Variants in ZNF264 observed in about 807,000 individuals in gnomAD.
ZNF264 encodes zinc finger protein 264.
Under a neutral mutation model 11.2 loss-of-function variants are expected in ZNF264, and 11 were observed. The observed-to-expected ratio is 0.98, with a 90% confidence interval of 0.62 to 1.63. The LOEUF is 1.63. Among genes scored for constraint, ZNF264 ranks in the 40% most tolerant of loss-of-function variants. The pLI is 0.00. For synonymous variants in ZNF264, 309 were observed against 279.8 expected, an observed-to-expected ratio of 1.10 and a Z score of -1.04; for missense variants, 752 against 768.1, an observed-to-expected ratio of 0.98 and a Z score of 0.25.
At chr19:57,201,798 G>A (rs1268940555) in intron 2 of ZNF264, among the ~76,000 whole-genome samples, 1 of 151,942 alleles carries the variant, frequency 6.6e-6, no homozygotes, top group Non-Finnish European at 1.5e-5. Context: ...GCACAAGGCT[G>A]CCAGCATCTC....
intron 3 of ZNF264, among the ~76,000 whole-genome samples, chr19:57,205,982 G>A (rs1250559273): frequency 6.6e-6 from 1 of 152,198 alleles, no homozygotes; most frequent in Non-Finnish European, 1.5e-5. Flanking sequence ...CAGGACCCAG[G>A]TTCCTTCTGT....
chr19:57,211,856 C>T lies in ZNF264; in HGVS notation c.759C>T (p.His253=). The stretch of plus-strand genomic sequence containing the variant: ...ATCTCCTGCAACATCACATGATCCA[C>T]ACTGGGGAGAGGCCCTATGAGTGCA... ...STHLLQHHMI[H]TGERPYECME... Residue 253 remains histidine (H), a synonymous_variant, in exon 4 of 4, where the codon CAC becomes CAT. Transcript: ENST00000263095. The T allele has an allele frequency of 6.2e-7, 1 of 1,614,248 alleles. No homozygotes were observed. The highest frequency in any genetic ancestry group is 8.5e-7 in the Non-Finnish European group (1 of 1,180,040).
rs573855106 is a variant in ZNF264 at position 57,222,535 on chromosome 19, T to C, written c.*9554T>C. 22 of 145,870 alleles carry C rather than the reference T, an allele frequency of 1.5e-4. No individual in the cohort carries two copies. The highest frequency in any genetic ancestry group is 6.1e-4 in the African/African-American group (22 of 36,320). 9.0% of individuals were successfully genotyped at this position (145,870 alleles called of 1,614,324 possible). A position where few individuals can be genotyped will look rare whatever the true frequency, so the allele number is the denominator to read the frequency against. ...CTCTCTCTCTCTCTATATATATATA[T>C]GTATATGTGTGTGTACATATGGACC... On this transcript the variant is annotated 3_prime_UTR_variant, in exon 4 of 4. Transcript: ENST00000263095.
rs2122727644 is a variant in ZNF264, at chr19:57,191,559, C to T, written c.-355C>T. ...AGCCACTGAGGGCCCCGGTCGGGGC[C>T]GCTTTGCAGGTCCCTAGTCAGGACC... On this transcript the variant is annotated 5_prime_UTR_variant, in exon 1 of 4. Transcript: ENST00000263095. The T allele has an allele frequency of 3.8e-6, 1 of 266,216 alleles. No individual in the cohort carries two copies. Among genetic ancestry groups the T allele is most frequent in the South Asian group, 1.7e-4 (1 of 5,910 alleles). The allele number at this position is 266,216 out of a possible 1,614,324, so 16.5% of individuals were successfully genotyped here.
rs1410229696 is a variant in ZNF264 at position 57,214,824 on chromosome 19, C to T, written c.*1843C>T. On this transcript the variant is annotated 3_prime_UTR_variant, in exon 4 of 4. Coordinates refer to ENST00000263095, the MANE Select transcript of ZNF264 (RefSeq NM_003417.5). ...CCAGTTGATGTCATTATGCTATTTT[C>T]CTTCTACATCCTATTGATGGAATGT... 1 of 152,174 alleles carries T rather than the reference C, an allele frequency of 6.6e-6. No individual in the cohort carries two copies. The highest frequency in any genetic ancestry group is 1.5e-5 in the Non-Finnish European group (1 of 68,034). The allele number at this position is 152,174 out of a possible 1,614,324, so 9.4% of individuals were successfully genotyped here.
At chr19:57,207,341 T>C (rs556759116) in intron 3 of ZNF264, among the ~76,000 whole-genome samples, 2 of 152,174 alleles carry the variant, frequency 1.3e-5, no homozygotes, top group Non-Finnish European at 2.9e-5. Flanking sequence ...TCCTGTCTTG[T>C]ATTGCTTGAT....
At chr19:57,201,593 A>G (rs1156945386) in intron 2 of ZNF264, among the ~76,000 whole-genome samples, 2 of 151,924 alleles carry the variant, frequency 1.3e-5, no homozygotes, top group Non-Finnish European at 2.9e-5. Context: ...CCCAGAAACT[A>G]GGTGTGTTTA....
At chr19:57,199,097 A>G (rs915049360) in intron 2 of ZNF264, among the ~76,000 whole-genome samples, 2 of 151,970 alleles carry the variant, frequency 1.3e-5, no homozygotes, top group African/African-American at 2.4e-5. Context: ...GAGTCAGACT[A>G]TTCTGATTGC....
At chr19:57,203,924 C>T (rs1445004852) in intron 2 of ZNF264, among the ~76,000 whole-genome samples, 9 of 152,012 alleles carry the variant, frequency 5.9e-5, no homozygotes, top group South Asian at 2.1e-4. Context: ...CGGTTGCTTA[C>T]GCCTGTAATC....
At chr19:57,193,671 T>C in intron 1 of ZNF264, 1 of 626,362 alleles carries the variant, frequency 1.6e-6, no homozygotes, top group Non-Finnish European at 2.0e-6. Flanking sequence ...CTAACGGCCG[T>C]TAAATAGGAG....
Position 57,211,487 on chromosome 19 carries a change from T to G in ZNF264, c.390T>G (p.Asp130Glu). 5.6e-6 allele frequency: 9 copies of G among 1,614,060 alleles called. No individual in the cohort carries two copies. The highest frequency in any genetic ancestry group is 7.6e-6 in the Non-Finnish European group (9 of 1,180,010). Reference sequence around the variant, plus strand: ...AGTTGGGGCAAGCCGAGGATCAGGATGGGCTATCAGAAATGCAGGAAGGAC... The same window carrying G: ...AGTTGGGGCAAGCCGAGGATCAGGAGGGGCTATCAGAAATGCAGGAAGGAC... ...DSQLGQAEDQ[D>E]GLSEMQEGHF... Residue 130 changes from aspartate (D) to glutamate (E), a missense_variant, in exon 4 of 4, where the codon GAT (aspartate) becomes GAG (glutamate). By Grantham distance (45) the Asp-to-Glu change is conservative. Transcript: ENST00000263095.
At position 57,212,416 on chromosome 19, in the gene ZNF264, C is replaced by T. The variant is rs1001186434; in HGVS notation, c.1319C>T (p.Ser440Phe). The T allele has an allele frequency of 6.2e-7, 1 of 1,614,184 alleles. No individual in the cohort carries two copies. The highest frequency in any genetic ancestry group is 1.3e-5 in the African/African-American group (1 of 75,040). ...SECGKAFTHCSTFILHKRAHT... is the reference protein window; with the variant it reads ...SECGKAFTHCFTFILHKRAHT... ...TGTGGAAAGGCCTTCACCCACTGCTCTACTTTTATCTTGCATAAAAGGGCC... is the reference window on the plus strand; with the variant it reads ...TGTGGAAAGGCCTTCACCCACTGCTTTACTTTTATCTTGCATAAAAGGGCC... Residue 440 changes from serine (S) to phenylalanine (F), a missense_variant, in exon 4 of 4, where the codon TCT (serine) becomes TTT (phenylalanine). By Grantham distance (155) the Ser-to-Phe change is radical. Coordinates refer to ENST00000263095, the MANE Select transcript of ZNF264 (RefSeq NM_003417.5).
rs2087372048 is a variant in ZNF264, at chr19:57,215,298, G to C, written c.*2317G>C. On this transcript the variant is annotated 3_prime_UTR_variant, in exon 4 of 4. Coordinates refer to ENST00000263095, the MANE Select transcript of ZNF264 (RefSeq NM_003417.5). Reference sequence around the variant, plus strand: ...GTAATAAATTTTGATAGTCTGTCCTGTTGAAGGAATATTTCATCTGTATTT... The same window carrying C: ...GTAATAAATTTTGATAGTCTGTCCTCTTGAAGGAATATTTCATCTGTATTT... 6.6e-6 allele frequency: 1 copy of C among 152,188 alleles called. No individual in the cohort carries two copies. Among genetic ancestry groups the C allele is most frequent in the Non-Finnish European group, 1.5e-5 (1 of 68,040 alleles). 9.4% of individuals were successfully genotyped at this position (152,188 alleles called of 1,614,324 possible).
Position 57,217,522 on chromosome 19 carries a change from AT to A in ZNF264, c.*4543del, listed in dbSNP as rs1182155250. 6.6e-6 allele frequency: 1 copy of A among 151,812 alleles called. No individual in the cohort carries two copies. The highest frequency in any genetic ancestry group is 3.4e-3 in the Middle Eastern group (1 of 296). The allele number at this position is 151,812 out of a possible 1,614,324, so 9.4% of individuals were successfully genotyped here. On this transcript the variant is annotated 3_prime_UTR_variant, in exon 4 of 4. Coordinates refer to ENST00000263095, the MANE Select transcript of ZNF264 (RefSeq NM_003417.5). ...AACCTCTGCCTCCCGGGTTCAAGCAATTAACTGCCTCAGCTTCCCTAGTAAT... is the reference window on the plus strand; with the variant it reads ...AACCTCTGCCTCCCGGGTTCAAGCAATAACTGCCTCAGCTTCCCTAGTAAT...
chr19:57,221,626 T>TA lies in ZNF264; in HGVS notation c.*8646dup, dbSNP rs1316696704. 1.3e-5 allele frequency: 2 copies of TA among 152,204 alleles called. No individual in the cohort carries two copies. Among genetic ancestry groups the TA allele is most frequent in the African/African-American group, 2.4e-5 (1 of 41,450 alleles). 9.4% of individuals were successfully genotyped at this position (152,204 alleles called of 1,614,324 possible). A position where few individuals can be genotyped will look rare whatever the true frequency, so the allele number is the denominator to read the frequency against. ...CCTTATTTAAGTTCCATCTGGTACT[T>TA]ATGACAACACATGCTATATGTCCAC... On this transcript the variant is annotated 3_prime_UTR_variant, in exon 4 of 4. Coordinates refer to ENST00000263095, the MANE Select transcript of ZNF264 (RefSeq NM_003417.5).
At position 57,213,105 on chromosome 19, in the gene ZNF264, A is replaced by G. The variant is rs575952332; in HGVS notation, c.*124A>G. On this transcript the variant is annotated 3_prime_UTR_variant, in exon 4 of 4. Transcript: ENST00000263095. ...GAGAGAGACCCAGTGGTTATTGTGC[A>G]CATAGGAGAACCTTCAGCTGCATCT... 1.1e-6 allele frequency: 1 copy of G among 893,178 alleles called. No homozygotes were observed. Among genetic ancestry groups the G allele is most frequent in the South Asian group, 2.2e-5 (1 of 45,912 alleles). The allele number at this position is 893,178 out of a possible 1,614,324, so 55.3% of individuals were successfully genotyped here.
Position 57,221,369 on chromosome 19 carries a change from G to A in ZNF264, c.*8388G>A, listed in dbSNP as rs1379414570. The A allele has an allele frequency of 6.6e-6, 1 of 152,142 alleles. No homozygotes were observed. The highest frequency in any genetic ancestry group is 1.5e-5 in the Non-Finnish European group (1 of 68,026). The allele number at this position is 152,142 out of a possible 1,614,324, so 9.4% of individuals were successfully genotyped here. On this transcript the variant is annotated 3_prime_UTR_variant, in exon 4 of 4. Transcript: ENST00000263095. ...TGGCCTACCTGGGCTTTTTTGGACA[G>A]ATGTACATGATTTTAGAAATTGTTA...
rs1317264263 is a variant in ZNF264, at chr19:57,216,571, C to T, written c.*3590C>T. Reference sequence around the variant, plus strand: ...ACTTTACCTGATGTTCTCATAGTGACTCCTGCATATTTTGATTAATGTTTG... The same window carrying T: ...ACTTTACCTGATGTTCTCATAGTGATTCCTGCATATTTTGATTAATGTTTG... On this transcript the variant is annotated 3_prime_UTR_variant, in exon 4 of 4. Transcript: ENST00000263095. The T allele has an allele frequency of 6.6e-6, 1 of 152,108 alleles. No homozygotes were observed. The highest frequency in any genetic ancestry group is 1.5e-5 in the Non-Finnish European group (1 of 68,020). The allele number at this position is 152,108 out of a possible 1,614,324, so 9.4% of individuals were successfully genotyped here. A position where few individuals can be genotyped will look rare whatever the true frequency, so the allele number is the denominator to read the frequency against.
chr19:57,210,831 A>T (rs2087328871), intron 3 of ZNF264, among the ~76,000 whole-genome samples: 1 of 152,224 alleles, frequency 6.6e-6, no homozygotes, highest in South Asian at 2.1e-4. Context: ...CCGTTTGCAT[A>T]AACTGTCAGA....
Sources: gnomAD v4.1 joint callset for allele counts (sites outside exome capture counted in the v4.1 genomes callset) on GRCh38, gnomAD v4.1.1 for gene constraint, MANE v1.5 for transcripts, NCBI Gene and HGNC (gene_info 2026-07-23, HGNC 2026-07-21) for gene names.